ELP3: variants seen among roughly 807,000 people sequenced by gnomAD.
ELP3 encodes elongator complex protein 3.
ELP3 carries 56 observed loss-of-function variants against 74.9 expected under a neutral mutation model. That is an observed-to-expected ratio of 0.75 (90% CI 0.60 to 0.93). The LOEUF is 0.93. Among genes scored for constraint, ELP3 ranks in the 40% least tolerant of loss-of-function variants. The probability of loss-of-function intolerance (pLI) is 0.00; values close to 1 mark genes in which losing one functional copy is unlikely to be tolerated. For synonymous variants in ELP3, 222 were observed against 239.8 expected (o/e 0.93, Z 0.68); for missense variants, 573 against 686.5 (o/e 0.83, Z 1.85).
chr8:28,153,664 C>T (rs144825607), intron 10 of ELP3, among the ~76,000 whole-genome samples: 10 of 152,234 alleles, frequency 6.6e-5, no homozygotes, highest in Non-Finnish European at 1.2e-4. Context: ...CTTCTGTGGG[C>T]TGGGTAGGCT....
intron 3 of ELP3, among the ~76,000 whole-genome samples, chr8:28,106,242 T>G (rs541092676): frequency 6.6e-6 from 1 of 152,308 alleles, no homozygotes; most frequent in South Asian, 2.1e-4. Context: ...ATTGCCCAGC[T>G]TAAGAAATAC....
At chr8:28,189,447 T>A (rs955483455) in intron 14 of ELP3, among the ~76,000 whole-genome samples, 14 of 152,326 alleles carry the variant, frequency 9.2e-5, no homozygotes, top group South Asian at 8.3e-4. Flanking sequence ...GAAAGAGTCT[T>A]CTTCTCTCCA....
At position 28,106,788 on chromosome 8, in the gene ELP3, G is replaced by A. The variant is rs753850762; in HGVS notation, c.329+5G>A. The stretch of plus-strand genomic sequence containing the variant: ...TTTTACAGGAAATATATGTGTGTAA[G>A]TATGGTGATTTTATTAAATTGTATG... On this transcript the variant is annotated splice_donor_5th_base_variant and intron_variant, in intron 4 of 14. Transcript: ENST00000256398. 2 of 1,609,842 alleles carry A rather than the reference G, an allele frequency of 1.2e-6. No homozygotes were observed. The highest frequency in any genetic ancestry group is 1.7e-6 in the Non-Finnish European group (2 of 1,177,678).
chr8:28,094,991 C>T (rs1811198102), intron 1 of ELP3, among the ~76,000 whole-genome samples: 2 of 152,180 alleles, frequency 1.3e-5, no homozygotes, highest in Non-Finnish European at 2.9e-5. Context: ...TGAGAATATG[C>T]AATTCTTCAC....
rs75868018 is a variant in ELP3, at chr8:28,142,536, G to C, written c.1100+4645G>C. ...TGTAATGGAATACTGTAAAACAAGAGGCAGTGGTGCAATCTCTTTCAAAAT... is the reference window on the plus strand; with the variant it reads ...TGTAATGGAATACTGTAAAACAAGACGCAGTGGTGCAATCTCTTTCAAAAT... On this transcript the variant is annotated intron_variant, in intron 10 of 14. Transcript: ENST00000256398. Among the ~76,000 whole-genome samples, 1,484 of 152,320 alleles carry C rather than the reference G, an allele frequency of 9.7e-3. 24 individuals are homozygous for C. Among genetic ancestry groups the C allele is most frequent in the African/African-American group, 0.034 (1,394 of 41,568 alleles).
intron 10 of ELP3, among the ~76,000 whole-genome samples, chr8:28,139,147 A>C (rs1338598746): frequency 6.6e-6 from 1 of 152,160 alleles, no homozygotes; most frequent in South Asian, 2.1e-4. Flanking sequence ...ATTCATTCCC[A>C]CCAAGGGCAG....
chr8:28,168,531 A>T (rs1814397693), intron 14 of ELP3, among the ~76,000 whole-genome samples: 1 of 152,224 alleles, frequency 6.6e-6, no homozygotes, highest in Non-Finnish European at 1.5e-5. Context: ...TAGGAGGAAT[A>T]GGGTTATATC....
At chr8:28,091,826 G>T (rs1469465807), upstream of ELP3, among the ~76,000 whole-genome samples, 2 of 152,204 alleles carry the variant, frequency 1.3e-5, no homozygotes, top group African/African-American at 4.8e-5. Context: ...GTGGCCTGTG[G>T]TTTTTCCAAA....
At chr8:28,116,641 G>A (rs1223426635) in intron 7 of ELP3, among the ~76,000 whole-genome samples, 1 of 152,092 alleles carries the variant, frequency 6.6e-6, no homozygotes, top group Non-Finnish European at 1.5e-5. Flanking sequence ...TTGGGAGGCC[G>A]AGGCACAGAA....
Position 28,113,100 on chromosome 8 carries a change from A to G in ELP3, c.544A>G (p.Arg182Gly). ...GTFMALPEEY[R>G]DYFIRNLHDA... ...GTTTATGGCCCTTCCAGAAGAATAC[A>G]GAGATTATTTTATTCGAAATTTACA... The change falls in exon 7 of 15, where the codon AGA (arginine) becomes GGA (glycine). Residue 182 changes from arginine (R) to glycine (G), a missense_variant. By Grantham distance (125) the Arg-to-Gly change is moderately radical. Transcript: ENST00000256398. 4 of 1,614,016 alleles carry G rather than the reference A, an allele frequency of 2.5e-6. No individual in the cohort carries two copies. The highest frequency in any genetic ancestry group is 3.4e-6 in the Non-Finnish European group (4 of 1,179,914).
chr8:28,184,520 AC>A (rs1020832519), intron 14 of ELP3, among the ~76,000 whole-genome samples: 47 of 152,230 alleles, frequency 3.1e-4, no homozygotes, highest in African/African-American at 1.1e-3. Context: ...GCTTAGATGT[AC>A]CCCAGTAAAG....
chr8:28,117,781 A>G (rs528025742), intron 7 of ELP3, among the ~76,000 whole-genome samples: 1 of 152,182 alleles, frequency 6.6e-6, no homozygotes, highest in African/African-American at 2.4e-5. Flanking sequence ...GTTAAGGTAA[A>G]GTTTTACTAC....
chr8:28,135,763 G>C (rs1812963220), intron 9 of ELP3, among the ~76,000 whole-genome samples: 1 of 152,218 alleles, frequency 6.6e-6, no homozygotes, highest in African/African-American at 2.4e-5. Flanking sequence ...GAGCCTTTCT[G>C]GAACTCTGCA....
upstream of ELP3, chr8:28,093,132 G>GT (rs1811106894): frequency 6.3e-7 from 1 of 1,583,842 alleles, no homozygotes; most frequent in Non-Finnish European, 8.6e-7. Context: ...AGGCGGGATT[G>GT]TTTTGTGGCT....
upstream of ELP3, among the ~76,000 whole-genome samples, chr8:28,090,731 C>A (rs1811030826): frequency 6.6e-6 from 1 of 151,762 alleles, no homozygotes; most frequent in African/African-American, 2.4e-5. Context: ...AGGTCACAGG[C>A]AGATTCAGTT....
chr8:28,090,722 G>A (rs1208673067), upstream of ELP3, among the ~76,000 whole-genome samples: 1 of 151,930 alleles, frequency 6.6e-6, no homozygotes, highest in Non-Finnish European at 1.5e-5. Context: ...AACACTTTCA[G>A]GTCACAGGCA....
At chr8:28,134,622 G>GCC (rs1812910511) in intron 9 of ELP3, among the ~76,000 whole-genome samples, 3 of 152,132 alleles carry the variant, frequency 2.0e-5, no homozygotes, top group African/African-American at 7.2e-5. Context: ...TCACAAAAGA[G>GCC]AATATTCAAA....
chr8:28,118,528 A>G (rs1812224259), intron 7 of ELP3, among the ~76,000 whole-genome samples: 1 of 152,196 alleles, frequency 6.6e-6, no homozygotes, highest in East Asian at 1.9e-4. Context: ...CTAATCACTC[A>G]GTACTATCAG....
chr8:28,134,134 A>C (rs1016339384), intron 9 of ELP3, among the ~76,000 whole-genome samples: 1 of 152,082 alleles, frequency 6.6e-6, no homozygotes, highest in African/African-American at 2.4e-5. Context: ...GCCCCGGGGT[A>C]TGATGTTCCC....
Sources: gnomAD v4.1 joint callset for allele counts (sites outside exome capture counted in the v4.1 genomes callset) on GRCh38, gnomAD v4.1.1 for gene constraint, MANE v1.5 for transcripts, NCBI Gene and HGNC (gene_info 2026-07-23, HGNC 2026-07-21) for gene names.